The following KCNK12 variants were observed in gnomAD, a reference collection of about 807,000 sequenced individuals.
The protein encoded by KCNK12 is potassium channel subfamily K member 12.
A neutral mutation model predicts 25.3 loss-of-function variants in KCNK12; 6 were observed. The ratio of observed to expected loss-of-function variants is 0.24; its 90% CI spans 0.13 to 0.47. KCNK12 has a LOEUF of 0.47. KCNK12 is among the 20% of genes least tolerant of loss of function. KCNK12 has a pLI of 0.99. For missense variants in KCNK12, 444 were observed against 661.7 expected (o/e 0.67, Z 3.61); for synonymous variants, 331 against 311.1 (o/e 1.06, Z -0.67).
In KCNK12 at chr2:47,538,470, G is replaced by A. The variant is rs1669123030; in HGVS notation, c.392-16662C>T. 6.6e-6 allele frequency among the ~76,000 whole-genome samples: 1 copy of A among 152,104 alleles called. No individual in the cohort carries two copies. Among genetic ancestry groups the A allele is most frequent in the Admixed American group, 6.6e-5 (1 of 15,260 alleles). The stretch of plus-strand genomic sequence containing the variant: ...CTGAGGCAGAGGGGCTGGAAACAGA[G>A]AAGAAAAGAGTGAAAAAGGACTGGG... On this transcript the variant is annotated intron_variant, in intron 1 of 1. Coordinates refer to ENST00000327876, the MANE Select transcript of KCNK12 (RefSeq NM_022055.2). The surrounding 1 kb of genome is among the most constrained non-coding windows in gnomAD (Gnocchi z 4.5).
In KCNK12 at chr2:47,551,799, T is replaced by G. The variant is rs944048523; in HGVS notation, c.391+18142A>C. 6.6e-6 allele frequency among the ~76,000 whole-genome samples: 1 copy of G among 152,240 alleles called. No individual in the cohort carries two copies. The highest frequency in any genetic ancestry group is 1.5e-5 in the Non-Finnish European group (1 of 68,040). On this transcript the variant is annotated intron_variant, in intron 1 of 1. Coordinates refer to ENST00000327876, the MANE Select transcript of KCNK12 (RefSeq NM_022055.2). This position sits in a 1 kb window ranked among gnomAD's most constrained non-coding sequence, Gnocchi z 5.3. ...ATTCAGTTCTAGCCACAGGCTGCAC[T>G]GTGCATAAATCTAGGGGACTACATG...
rs1439027337 is a variant in KCNK12, at chr2:47,521,209, G to C, written c.991C>G (p.Arg331Gly). 9.7e-6 allele frequency: 15 copies of C among 1,554,284 alleles called. No individual in the cohort carries two copies. Among genetic ancestry groups the C allele is most frequent in the Non-Finnish European group, 1.3e-5 (15 of 1,151,074 alleles). Reference sequence around the variant, plus strand: ...GAGCCTGGGGTGATGGCATTGCGCCGGGCCAGGGGCGCGCCAGGAGCCGGG... The same window carrying C: ...GAGCCTGGGGTGATGGCATTGCGCCCGGCCAGGGGCGCGCCAGGAGCCGGG... Reference protein sequence around the residue: ...CCPAPGAPLARRNAITPGSRL... With the variant: ...CCPAPGAPLAGRNAITPGSRL... The change falls in exon 2 of 2, where the codon CGG becomes GGG. Residue 331 changes from arginine to glycine, a missense_variant. Physicochemically the swap from Arg to Gly is moderately radical, Grantham distance 125 (BLOSUM62 -2). Around this residue, in one of 8 missense-constraint regions of KCNK12, gnomAD observed 69 missense variants for 81.7 expected, o/e 0.84. Coordinates refer to ENST00000327876, the MANE Select transcript of KCNK12 (RefSeq NM_022055.2).
In KCNK12 at chr2:47,520,973, G is replaced by A; in HGVS notation, c.1227C>T (p.Phe409=). The change falls in exon 2 of 2, where the codon TTC becomes TTT. Residue 409 remains phenylalanine, a synonymous_variant. Transcript: ENST00000327876. The surrounding 1 kb of genome is among the most constrained non-coding windows in gnomAD (Gnocchi z 5.0). ...TGCCCAGCGCGCCCACGCCGCCCGA[G>A]AAGCCGTTCTGGCGCGTGTTGACGC... ...SVCVNTRQNG[F]SGGVGALGIM... 1 of 1,318,798 alleles carries A rather than the reference G, an allele frequency of 7.6e-7. No homozygotes were observed. The highest frequency in any genetic ancestry group is 2.0e-5 in the South Asian group (1 of 49,602). The allele number at this position is 1,318,798 out of a possible 1,614,324, so 81.7% of individuals were successfully genotyped here.
chr2:47,568,097 G>C (rs570691434), intron 1 of KCNK12, among the ~76,000 whole-genome samples: 73 of 152,276 alleles, frequency 4.8e-4, no homozygotes, highest in African/African-American at 1.7e-3. Context: ...ACTGCCAACA[G>C]CTTCCCCTTT....
Position 47,511,583 on chromosome 2 carries a change from T to G in KCNK12, c.*9324A>C, listed in dbSNP as rs1298043147. ...ACATCACAGGGTAACCAAATGCTTT[T>G]GCCCTGGGGGTGGGAGAGGGATGGG... is the stretch of plus-strand genomic sequence containing the variant. On this transcript the variant is annotated 3_prime_UTR_variant, in exon 2 of 2. Coordinates refer to ENST00000327876, the MANE Select transcript of KCNK12 (RefSeq NM_022055.2). This position sits in a 1 kb window ranked among gnomAD's most constrained non-coding sequence, Gnocchi z 4.3. Among the ~76,000 whole-genome samples, 1 of 152,166 alleles carries G rather than the reference T, an allele frequency of 6.6e-6. No homozygotes were observed. Among genetic ancestry groups the G allele is most frequent in the Non-Finnish European group, 1.5e-5 (1 of 68,030 alleles).
In KCNK12 at chr2:47,548,614, G is replaced by C. The variant is rs187475493; in HGVS notation, c.391+21327C>G. On this transcript the variant is annotated intron_variant, in intron 1 of 1. Transcript: ENST00000327876. This position sits in a 1 kb window ranked among gnomAD's most constrained non-coding sequence, Gnocchi z 4.4. ...ATCCAGATTCTACACACTGACTTTCGCTTCAGGCCACGAGGGCGTAGCTGA... is the reference window on the plus strand; with the variant it reads ...ATCCAGATTCTACACACTGACTTTCCCTTCAGGCCACGAGGGCGTAGCTGA... Among the ~76,000 whole-genome samples, 1 of 152,206 alleles carries C rather than the reference G, an allele frequency of 6.6e-6. No homozygotes were observed. Among genetic ancestry groups the C allele is most frequent in the South Asian group, 2.1e-4 (1 of 4,824 alleles).
Position 47,513,420 on chromosome 2 carries a change from T to C in KCNK12, c.*7487A>G, listed in dbSNP as rs1238027515. ...TTGTGGCATCCTGTGCTCTTGGTTT[T>C]CTCCCATATCTCTGACCCTCTTTCC... is the stretch of plus-strand genomic sequence containing the variant. On this transcript the variant is annotated 3_prime_UTR_variant, in exon 2 of 2. Transcript: ENST00000327876. Among the ~76,000 whole-genome samples the C allele has an allele frequency of 6.6e-6, 1 of 152,196 alleles. No individual in the cohort carries two copies.
chr2:47,559,076 T>G (rs1669610030), intron 1 of KCNK12, among the ~76,000 whole-genome samples: 1 of 152,190 alleles, frequency 6.6e-6, no homozygotes, highest in Admixed American at 6.5e-5. Context: ...CCCCCCTAGT[T>G]CAGAACTGAA....
chr2:47,560,163 C>T lies in KCNK12; in HGVS notation c.391+9778G>A, dbSNP rs754124880. Reference sequence around the variant, plus strand: ...CTCCTGTTTTTTTGGTTTTCTGTCCCGCCTGTCCATGCCCACTGCAGCTGT... The same window carrying T: ...CTCCTGTTTTTTTGGTTTTCTGTCCTGCCTGTCCATGCCCACTGCAGCTGT... On this transcript the variant is annotated intron_variant, in intron 1 of 1. Coordinates refer to ENST00000327876, the MANE Select transcript of KCNK12 (RefSeq NM_022055.2). The surrounding 1 kb of genome is among the most constrained non-coding windows in gnomAD (Gnocchi z 4.7). Among the ~76,000 whole-genome samples, 5 of 152,088 alleles carry T rather than the reference C, an allele frequency of 3.3e-5. No homozygotes were observed. Among genetic ancestry groups the T allele is most frequent in the Admixed American group, 6.5e-5 (1 of 15,274 alleles).
chr2:47,535,105 G>C (rs1669037095), intron 1 of KCNK12: 1 of 230,798 alleles, frequency 4.3e-6, no homozygotes, highest in South Asian at 1.8e-4. Flanking sequence ...TAAGGGCCCG[G>C]CTCCCTCAAA....
At position 47,521,219 on chromosome 2, in the gene KCNK12, CGCGCCA is replaced by C; in HGVS notation, c.975_980del (p.Gly326_Ala327del). ...TGATGGCATTGCGCCGGGCCAGGGG[CGCGCCA>C]GGAGCCGGGCAGCAGCGCGCGCAGC... On this transcript the variant is annotated inframe_deletion, in exon 2 of 2. Coordinates refer to ENST00000327876, the MANE Select transcript of KCNK12 (RefSeq NM_022055.2). 6.3e-7 allele frequency: 1 copy of C among 1,579,846 alleles called. No individual in the cohort carries two copies. The highest frequency in any genetic ancestry group is 8.6e-7 in the Non-Finnish European group (1 of 1,163,604).
chr2:47,561,257 T>C (rs1382252450), intron 1 of KCNK12, among the ~76,000 whole-genome samples: 4 of 152,202 alleles, frequency 2.6e-5, no homozygotes, highest in African/African-American at 9.7e-5. Context: ...AGAGAAGCAC[T>C]GGATGTCACT....
In KCNK12 at chr2:47,540,916, C is replaced by A. The variant is rs776013507; in HGVS notation, c.392-19108G>T. On this transcript the variant is annotated intron_variant, in intron 1 of 1. Coordinates refer to ENST00000327876, the MANE Select transcript of KCNK12 (RefSeq NM_022055.2). This position sits in a 1 kb window ranked among gnomAD's most constrained non-coding sequence, Gnocchi z 5.4. ...TGAGCTGTGATTCTACCACTGCACT[C>A]CAGCCTGGGCAACAGAGTGAGACCC... Among the ~76,000 whole-genome samples, 5 of 152,218 alleles carry A rather than the reference C, an allele frequency of 3.3e-5. No homozygotes were observed. The highest frequency in any genetic ancestry group is 7.3e-5 in the Non-Finnish European group (5 of 68,044).
In KCNK12 at chr2:47,521,399, G is replaced by C; in HGVS notation, c.801C>G (p.His267Gln). The C allele has an allele frequency of 6.2e-7, 1 of 1,613,482 alleles. No homozygotes were observed. Among genetic ancestry groups the C allele is most frequent in the Non-Finnish European group, 8.5e-7 (1 of 1,179,814 alleles). The change falls in exon 2 of 2, where the codon CAC becomes CAG. Residue 267 changes from histidine to glutamine, a missense_variant. His to Gln is a conservative substitution (Grantham distance 24). Coordinates refer to ENST00000327876, the MANE Select transcript of KCNK12 (RefSeq NM_022055.2). Reference sequence around the variant, plus strand: ...AGAGCCCCTGGTTCCGGTAGGCGGCGTGCTGGCTGCTCACCAGGTCCCCGA... The same window carrying C: ...AGAGCCCCTGGTTCCGGTAGGCGGCCTGCTGGCTGCTCACCAGGTCCCCGA... ...IGFGDLVSSQ[H>Q]AAYRNQGLYR...
Position 47,519,324 on chromosome 2 carries a change from T to C in KCNK12, c.*1583A>G, listed in dbSNP as rs1668594354. On this transcript the variant is annotated 3_prime_UTR_variant, in exon 2 of 2. Coordinates refer to ENST00000327876, the MANE Select transcript of KCNK12 (RefSeq NM_022055.2). ...GCGTGCATGTTTGTGTGTGTGTGTGTTCCACGCACATTTGCCAGGGAGAGA... is the reference window on the plus strand; with the variant it reads ...GCGTGCATGTTTGTGTGTGTGTGTGCTCCACGCACATTTGCCAGGGAGAGA... 6.6e-6 allele frequency: 1 copy of C among 152,254 alleles called. No homozygotes were observed. The highest frequency in any genetic ancestry group is 2.4e-5 in the African/African-American group (1 of 41,452). 9.4% of individuals were successfully genotyped at this position (152,254 alleles called of 1,614,324 possible).
At chr2:47,541,635 A>T (rs1349849273) in intron 1 of KCNK12, among the ~76,000 whole-genome samples, 1 of 152,144 alleles carries the variant, frequency 6.6e-6, no homozygotes, top group African/African-American at 2.4e-5. Context: ...AAAAAAGGGA[A>T]TCAAGGTAAA....
In KCNK12 at chr2:47,533,225, G is replaced by A. The variant is rs1308779171; in HGVS notation, c.392-11417C>T. ...GGGGTTTTACCATGTTGGCCAGGCT[G>A]GTCTCCAACTCCTGACCTCAGGTGA... On this transcript the variant is annotated intron_variant, in intron 1 of 1. Coordinates refer to ENST00000327876, the MANE Select transcript of KCNK12 (RefSeq NM_022055.2). This position sits in a 1 kb window ranked among gnomAD's most constrained non-coding sequence, Gnocchi z 4.7. 1.2e-5 allele frequency among the ~76,000 whole-genome samples: 1 copy of A among 84,656 alleles called. No individual in the cohort carries two copies. Among genetic ancestry groups the A allele is most frequent in the Non-Finnish European group, 2.3e-5 (1 of 43,634 alleles). The allele number at this position is 84,656 out of a possible 152,430, so 55.5% of individuals were successfully genotyped here. A position where few individuals can be genotyped will look rare whatever the true frequency, so the allele number is the denominator to read the frequency against.
At position 47,516,022 on chromosome 2, in the gene KCNK12, G is replaced by T. The variant is rs371646016; in HGVS notation, c.*4885C>A. ...CCCCTCACTTATTTCTCGTAAGACC[G>T]CTGGGAGGTGGGGGGATGGTATCAT... On this transcript the variant is annotated 3_prime_UTR_variant, in exon 2 of 2. Transcript: ENST00000327876. 6.6e-6 allele frequency among the ~76,000 whole-genome samples: 1 copy of T among 152,132 alleles called. No homozygotes were observed. The highest frequency in any genetic ancestry group is 1.9e-4 in the East Asian group (1 of 5,192).
Position 47,555,010 on chromosome 2 carries a change from A to T in KCNK12, c.391+14931T>A, listed in dbSNP as rs1290446766. Among the ~76,000 whole-genome samples, 1 of 152,214 alleles carries T rather than the reference A, an allele frequency of 6.6e-6. No individual in the cohort carries two copies. Among genetic ancestry groups the T allele is most frequent in the East Asian group, 1.9e-4 (1 of 5,188 alleles). On this transcript the variant is annotated intron_variant, in intron 1 of 1. Transcript: ENST00000327876. The surrounding 1 kb of genome is among the most constrained non-coding windows in gnomAD (Gnocchi z 4.5). ...GATATGAAGACTCATGGAGCAGTGT[A>T]CCAAGGAGCAGGAACAGCTTGTGAG...
Sources: allele counts gnomAD v4.1 joint callset (sites outside exome capture counted in the v4.1 genomes callset), GRCh38; gene constraint gnomAD v4.1.1; regional missense constraint gnomAD v4.1.1; non-coding constraint Gnocchi (gnomAD v3.1); transcripts MANE v1.5; gene names NCBI Gene and HGNC (gene_info 2026-07-23, HGNC 2026-07-21).